The following LSS variants were observed in gnomAD, a reference collection of about 807,000 sequenced individuals.
The protein encoded by LSS is lanosterol synthase, also known as 2,3-epoxysqualene-lanosterol cyclase.
Under a neutral mutation model 110.3 loss-of-function variants are expected in LSS, and 90 were observed. The ratio of observed to expected loss-of-function variants is 0.82; its 90% CI spans 0.69 to 0.97. The LOEUF (loss-of-function observed/expected upper bound fraction) is 0.97, where lower values mean the gene tolerates loss of function less well. Among genes scored for constraint, LSS ranks in the 50% least tolerant of loss-of-function variants. LSS has a pLI of 0.00. For missense variants in LSS, 927 were observed against 990.0 expected, an observed-to-expected ratio of 0.94 and a Z score of 0.85; for synonymous variants, 433 against 400.0, an observed-to-expected ratio of 1.08 and a Z score of -0.98.
chr21:46,197,405 G>A (rs2123702209), intron 17 of LSS, among the ~76,000 whole-genome samples: 1 of 152,166 alleles, frequency 6.6e-6, no homozygotes, highest in South Asian at 2.1e-4. Flanking sequence ...AAAACTCTAG[G>A]CCTAGGAATT....
chr21:46,203,287 T>C (rs1363312460), intron 17 of LSS, among the ~76,000 whole-genome samples: 5 of 152,070 alleles, frequency 3.3e-5, no homozygotes, highest in Non-Finnish European at 5.9e-5. Context: ...AACTGAAAAA[T>C]AACCCAGAGG....
At chr21:46,206,645 G>A (rs376417193) in intron 16 of LSS, 27 bp downstream of exon 16, 22 of 1,589,042 alleles carry the variant, frequency 1.4e-5, no homozygotes, top group Admixed American at 1.2e-4. Context: ...CCGGGTTTGC[G>A]CGCCGCAGTG....
chr21:46,203,606 A>T (rs762821075), intron 17 of LSS, among the ~76,000 whole-genome samples: 50 of 152,376 alleles, frequency 3.3e-4, no homozygotes, highest in Middle Eastern at 6.8e-3. Context: ...AATTCTCTAA[A>T]TGTGGCTGAG....
rs2079882919 is a variant in LSS at position 46,194,700 on chromosome 21, G to A, written c.1818-39C>T. 4 of 1,590,484 alleles carry A rather than the reference G, an allele frequency of 2.5e-6. No homozygotes were observed. In the African/African-American group the frequency reaches 5.4e-5, roughly 21 times the overall value. On this transcript the variant is annotated intron_variant, in intron 19 of 21. Transcript: ENST00000397728. Reference sequence around the variant, plus strand: ...AGACAGGAGACACCATCACACCAAGGAAGGTCCCAGACCCCTGGCTTCTCA... The same window carrying A: ...AGACAGGAGACACCATCACACCAAGAAAGGTCCCAGACCCCTGGCTTCTCA...
Position 46,222,727 on chromosome 21 carries a change from T to G in LSS, c.331A>C (p.Thr111Pro). ...AGAGGGATGCGTGCCACGTGGCAAG[T>G]GATCAGGAGGCCTGTGTGGCAGGAG... ...PLFLLPGLLI[T>P]CHVARIPLPA... The change falls in exon 4 of 22, where the codon ACT (threonine) becomes CCT (proline). Residue 111 changes from threonine (T) to proline (P), a missense_variant. By Grantham distance (38) the Thr-to-Pro change is conservative (BLOSUM62 -1). Transcript: ENST00000397728. 1.9e-6 allele frequency: 3 copies of G among 1,613,608 alleles called. No homozygotes were observed. The South Asian group carries it at 3.3e-5, about 18-fold the overall frequency.
rs760948869 is a variant in LSS, at chr21:46,221,981, GGA to G, written c.429-8_429-7del. 6.2e-7 allele frequency: 1 copy of G among 1,614,132 alleles called. No homozygotes were observed. Among genetic ancestry groups the G allele is most frequent in the Non-Finnish European group, 8.5e-7 (1 of 1,180,002 alleles). On this transcript the variant is annotated splice_polypyrimidine_tract_variant and splice_region_variant and intron_variant, in intron 4 of 21. Transcript: ENST00000397728. ...TGGACTTATCCTCAATGTGCCTACA[GGA>G]GCAGAGGACAGGTGAGAAACCGGTA...
intron 19 of LSS, among the ~76,000 whole-genome samples, chr21:46,194,888 C>A (rs567662112): frequency 6.6e-6 from 1 of 152,218 alleles, no homozygotes; most frequent in Non-Finnish European, 1.5e-5. Context: ...AAGGGACATG[C>A]GAGTACCGAG....
chr21:46,220,718 G>C (rs1020790806), intron 5 of LSS, among the ~76,000 whole-genome samples: 3 of 152,126 alleles, frequency 2.0e-5, no homozygotes, highest in African/African-American at 7.2e-5. Flanking sequence ...TTGCCCCTCA[G>C]GGCCTATAGG....
Position 46,191,304 on chromosome 21 carries a change from G to A in LSS, c.2068-69C>T, listed in dbSNP as rs905193973. 58 of 1,578,476 alleles carry A rather than the reference G, an allele frequency of 3.7e-5. No homozygotes were observed. The African/African-American group carries it at 6.6e-4, about 18-fold the overall frequency. On this transcript the variant is annotated intron_variant, in intron 21 of 21. Transcript: ENST00000397728. Reference sequence around the variant, plus strand: ...GCTGAGGGCTAGTCCCTGAACTGGAGCCCTGGCTGTTGGCTTGGCTGGCTT... The same window carrying A: ...GCTGAGGGCTAGTCCCTGAACTGGAACCCTGGCTGTTGGCTTGGCTGGCTT...
At chr21:46,218,365 A>G (rs1440157769) in intron 6 of LSS, among the ~76,000 whole-genome samples, 1 of 150,416 alleles carries the variant, frequency 6.6e-6, no homozygotes, top group African/African-American at 2.5e-5. Flanking sequence ...GCAGTGGCTC[A>G]TGGCTCCCAG....
chr21:46,214,032 TCAGA>T (rs1305199140), intron 9 of LSS, among the ~76,000 whole-genome samples, 197 bp from the exon 10 acceptor site: 16 of 152,164 alleles, frequency 1.1e-4, no homozygotes, highest in African/African-American at 3.6e-4. Context: ...AGGACCCAAC[TCAGA>T]CAGAGGCAGT....
chr21:46,210,596 G>A (rs2080116271), intron 12 of LSS, 92 bp downstream of exon 12: 3 of 1,237,190 alleles, frequency 2.4e-6, no homozygotes, highest in Non-Finnish European at 2.3e-6. Context: ...AGTGGCAAGT[G>A]TGTGGCCAGC....
At chr21:46,206,565 G>A (rs2080051035) in intron 16 of LSS, 107 bp downstream of exon 16, 2 of 907,444 alleles carry the variant, frequency 2.2e-6, no homozygotes, top group East Asian at 2.5e-5. Context: ...CGGTGAACCT[G>A]GGCCCTTGCA....
chr21:46,202,954 C>T (rs973684445), intron 17 of LSS, among the ~76,000 whole-genome samples: 19 of 152,216 alleles, frequency 1.2e-4, no homozygotes, highest in Admixed American at 5.2e-4. Context: ...ATTAAGTCAC[C>T]ATTGCTCCCC....
At chr21:46,206,031 T>C (rs1003624555) in intron 16 of LSS, 90 bp from the exon 17 acceptor site, 7 of 1,019,982 alleles carry the variant, frequency 6.9e-6, no homozygotes, top group East Asian at 2.6e-5. Flanking sequence ...AGCAAGAGTG[T>C]TGCAGTGAGC....
chr21:46,188,576 G>A lies in LSS; in HGVS notation c.*2528C>T. 2.1e-6 allele frequency: 1 copy of A among 467,132 alleles called. No homozygotes were observed. Among genetic ancestry groups the A allele is most frequent in the South Asian group, 1.6e-5 (1 of 64,402 alleles). The allele number at this position is 467,132 out of a possible 1,614,324, so 28.9% of individuals were successfully genotyped here. On this transcript the variant is annotated 3_prime_UTR_variant, in exon 22 of 22. Transcript: ENST00000397728. Reference sequence around the variant, plus strand: ...CATGTCAGGGTGATGAGTCATCTGGGACAGGTCACCCTCCCAGCACCGAGA... The same window carrying A: ...CATGTCAGGGTGATGAGTCATCTGGAACAGGTCACCCTCCCAGCACCGAGA...
At chr21:46,214,403 G>A (rs2080173055) in intron 9 of LSS, among the ~76,000 whole-genome samples, 1 of 152,220 alleles carries the variant, frequency 6.6e-6, no homozygotes, top group Non-Finnish European at 1.5e-5. Context: ...CATCACTGCT[G>A]AGCAAAAAAC....
intron 20 of LSS, chr21:46,192,859 G>A (rs1365752772): frequency 4.4e-6 from 2 of 449,830 alleles, no homozygotes; most frequent in Non-Finnish European, 4.4e-6. Context: ...GATACTGCGG[G>A]TGCATCTGCA....
rs1401392587 is a variant in LSS at position 46,209,247 on chromosome 21, T to C, written c.1266+307A>G. Among the ~76,000 whole-genome samples the C allele has an allele frequency of 6.6e-6, 1 of 152,062 alleles. No individual in the cohort carries two copies. Among genetic ancestry groups the C allele is most frequent in the African/African-American group, 2.4e-5 (1 of 41,398 alleles). On this transcript the variant is annotated intron_variant, in intron 13 of 21. Transcript: ENST00000397728. This position sits in a 1 kb window ranked among gnomAD's most constrained non-coding sequence, Gnocchi z 4.4. ...GGAGGTGCCGTGTAGGCTGTGCAGCTCAGGGTACACAGCCCCTGCCCGTGC... is the reference window on the plus strand; with the variant it reads ...GGAGGTGCCGTGTAGGCTGTGCAGCCCAGGGTACACAGCCCCTGCCCGTGC...
Sources: gnomAD v4.1 joint callset for allele counts (sites outside exome capture counted in the v4.1 genomes callset) on GRCh38, gnomAD v4.1.1 for gene constraint, Gnocchi (gnomAD v3.1) non-coding constraint, MANE v1.5 for transcripts, NCBI Gene and HGNC (gene_info 2026-07-23, HGNC 2026-07-21) for gene names.